FANCB: variants seen among roughly 807,000 people sequenced by gnomAD.
FANCB encodes FA complementation group B.
Under a neutral mutation model 38.9 loss-of-function variants are expected in FANCB, and 5 were observed. That is an observed-to-expected ratio of 0.13 (90% CI 0.07 to 0.27). The LOEUF (loss-of-function observed/expected upper bound fraction) is 0.27. Among genes scored for constraint, FANCB ranks in the 10% least tolerant of loss-of-function variants. The pLI is 1.00. For missense variants in FANCB, 573 were observed against 602.7 expected, an observed-to-expected ratio of 0.95 and a Z score of 0.52; for synonymous variants, 236 against 215.4, an observed-to-expected ratio of 1.10 and a Z score of -0.84.
the FANCB span, among the ~76,000 whole-genome samples, chrX:14,755,189 GC>G: frequency 8.9e-6 from 1 of 111,814 alleles, no homozygotes; most frequent in Non-Finnish European, 1.9e-5. Context: ...CCCACAGCTA[GC>G]ATCATACCAA....
the FANCB span, among the ~76,000 whole-genome samples, chrX:14,814,095 A>G: frequency 8.9e-6 from 1 of 112,065 alleles, no homozygotes; most frequent in Non-Finnish European, 1.9e-5. Flanking sequence ...TATTTAATAA[A>G]TGGTGCTGGG....
the FANCB span, among the ~76,000 whole-genome samples, chrX:14,735,118 T>C: frequency 9.1e-6 from 1 of 109,655 alleles, no homozygotes; most frequent in Non-Finnish European, 1.9e-5. Context: ...TTATTCTAGT[T>C]AGCAATTCCT....
the FANCB span, among the ~76,000 whole-genome samples, chrX:14,750,887 T>TAA: frequency 4.2e-5 from 4 of 94,457 alleles, no homozygotes; most frequent in East Asian, 3.2e-4. Flanking sequence ...AGACATTATT[T>TAA]AAAAAAAAAA....
At chrX:14,806,668 G>A in the FANCB span, among the ~76,000 whole-genome samples, 1 of 111,702 alleles carries the variant, frequency 9.0e-6, no homozygotes, top group Non-Finnish European at 1.9e-5. Context: ...AGGAAAAGGA[G>A]ACTCAATTCC....
the FANCB span, among the ~76,000 whole-genome samples, chrX:14,794,992 G>A: frequency 8.9e-6 from 1 of 112,065 alleles, no homozygotes; most frequent in African/African-American, 3.2e-5. Flanking sequence ...ATGCCTTTTT[G>A]ACTCTACAGA....
chrX:14,754,561 A>G, the FANCB span, among the ~76,000 whole-genome samples: 1 of 111,890 alleles, frequency 8.9e-6, no homozygotes, highest in African/African-American at 3.2e-5. Flanking sequence ...GCCCTTAACA[A>G]AAATATGGAG....
chrX:14,729,048 C>G, the FANCB span, among the ~76,000 whole-genome samples: 1 of 112,271 alleles, frequency 8.9e-6, no homozygotes, highest in African/African-American at 3.2e-5. Context: ...CCTTGTTGTA[C>G]CATTTGAGTT....
chrX:14,845,145 T>C lies in FANCB; in HGVS notation c.1638A>G (p.Gly546=). The C allele has an allele frequency of 8.3e-7, 1 of 1,211,501 alleles. No individual in the cohort carries two copies. The highest frequency in any genetic ancestry group is 1.1e-6 in the Non-Finnish European group (1 of 895,162). ...TCAACGTGACCCTTTTTGCTTCCAA[T>C]CCTATTTCACATGGCATCAAGTATG... The part of the protein sequence containing the change: ...PAPYLMPCEI[G]LEAKRVTLTP... The change falls in exon 8 of 10, where the codon GGA becomes GGG. Residue 546 remains glycine (G), a synonymous_variant. Coordinates refer to ENST00000650831, the MANE Select transcript of FANCB (RefSeq NM_001018113.3).
chrX:14,833,671 G>T (rs1459390227), downstream of FANCB, among the ~76,000 whole-genome samples: 2 of 42,212 alleles, frequency 4.7e-5, no homozygotes, highest in Non-Finnish European at 8.3e-5. Flanking sequence ...GGGAGGCTGG[G>T]TGTGGGGGGG....
At chrX:14,713,693 C>T in the FANCB span, among the ~76,000 whole-genome samples, 14 of 111,310 alleles carry the variant, frequency 1.3e-4, no homozygotes, top group Middle Eastern at 4.6e-3. Flanking sequence ...ACAAAGACTT[C>T]AGAGTTTGCA....
chrX:14,817,815 A>G, the FANCB span, among the ~76,000 whole-genome samples: 1 of 111,481 alleles, frequency 9.0e-6, no homozygotes, highest in Non-Finnish European at 1.9e-5. Context: ...GGATTACCTA[A>G]TCTAATTGTT....
the FANCB span, among the ~76,000 whole-genome samples, chrX:14,724,274 G>A: frequency 1.8e-5 from 2 of 111,033 alleles, no homozygotes; most frequent in African/African-American, 6.6e-5. Flanking sequence ...CTTGTTCATT[G>A]CTGTAACTCT....
At chrX:14,858,294 C>G (rs1182354930) in intron 4 of FANCB, among the ~76,000 whole-genome samples, 1 of 109,700 alleles carries the variant, frequency 9.1e-6, no homozygotes, top group Admixed American at 9.7e-5. Context: ...ACTTGGGAGG[C>G]TGAGGCAGGA....
chrX:14,690,327 G>A, the FANCB span, among the ~76,000 whole-genome samples: 24 of 111,811 alleles, frequency 2.1e-4, no homozygotes, highest in Non-Finnish European at 4.1e-4. Flanking sequence ...TATTTATGGT[G>A]TATAACATGT....
the FANCB span, among the ~76,000 whole-genome samples, chrX:14,765,769 A>G: frequency 8.9e-6 from 1 of 112,080 alleles, no homozygotes; most frequent in African/African-American, 3.2e-5. Context: ...CAGTTCCTCA[A>G]GCAAACATGA....
chrX:14,834,699 G>T, downstream of FANCB: 1 of 725,568 alleles, frequency 1.4e-6, no homozygotes, highest in Non-Finnish European at 2.1e-6. Flanking sequence ...TTATCTTGGT[G>T]TTGATGATGG....
the FANCB span, among the ~76,000 whole-genome samples, chrX:14,702,852 G>C: frequency 9.0e-6 from 1 of 111,570 alleles, no homozygotes; most frequent in East Asian, 2.8e-4. Flanking sequence ...GCTCCTCACA[G>C]CATGAAATGA....
chrX:14,797,691 AAGAGAGAG>A, the FANCB span, among the ~76,000 whole-genome samples: 1 of 103,293 alleles, frequency 9.7e-6, no homozygotes, highest in Middle Eastern at 4.5e-3. Context: ...AAAAAAAAAA[AAGAGAGAG>A]AGAGAGAGAG....
At chrX:14,704,808 G>C in the FANCB span, among the ~76,000 whole-genome samples, 7 of 111,872 alleles carry the variant, frequency 6.3e-5, no homozygotes. Context: ...TTTTGTTTTA[G>C]ATAAGGGGCA....
Sources: gnomAD v4.1 joint callset for allele counts (sites outside exome capture counted in the v4.1 genomes callset) on GRCh38, gnomAD v4.1.1 for gene constraint, MANE v1.5 for transcripts, NCBI Gene and HGNC (gene_info 2026-07-23, HGNC 2026-07-21) for gene names.